Variants in EPN2 observed in about 807,000 individuals in gnomAD.
EPN2 encodes the protein epsin 2.
EPN2 carries 34 observed loss-of-function variants against 61.7 expected under a neutral mutation model. That is an observed-to-expected ratio of 0.55 (90% confidence interval 0.42 to 0.73). The LOEUF (loss-of-function observed/expected upper bound fraction) is 0.73. Among genes scored for constraint, EPN2 ranks in the 30% least tolerant of loss-of-function variants. The pLI is 0.00. For synonymous variants in EPN2, 349 were observed against 353.6 expected, an observed-to-expected ratio of 0.99 and a Z score of 0.15; for missense variants, 714 against 839.2, an observed-to-expected ratio of 0.85 and a Z score of 1.84.
chr17:19,251,457 T>C (rs2045014392), intron 1 of EPN2, among the ~76,000 whole-genome samples: 1 of 152,070 alleles, frequency 6.6e-6, no homozygotes, highest in South Asian at 2.1e-4. Flanking sequence ...GACCCCCAGC[T>C]TGTAGTTGAA....
At chr17:19,294,587 A>G (rs1339200190) in intron 4 of EPN2, among the ~76,000 whole-genome samples, 10 of 152,216 alleles carry the variant, frequency 6.6e-5, no homozygotes, top group Admixed American at 5.2e-4. Context: ...AGGTTTCTCG[A>G]TGCTTTAAGG....
intron 4 of EPN2, among the ~76,000 whole-genome samples, chr17:19,293,644 C>T (rs1464962956): frequency 2.7e-5 from 4 of 150,648 alleles, no homozygotes; most frequent in African/African-American, 4.9e-5. Flanking sequence ...CCTCTGGCCT[C>T]GGCCTCTCAA....
chr17:19,289,329 C>G (rs2045437160), intron 4 of EPN2, among the ~76,000 whole-genome samples: 1 of 152,004 alleles, frequency 6.6e-6, no homozygotes, highest in South Asian at 2.1e-4. Context: ...CGTGATCCGC[C>G]CACCTTGGCC....
At chr17:19,264,439 C>T (rs549866399) in intron 1 of EPN2, among the ~76,000 whole-genome samples, 2 of 152,260 alleles carry the variant, frequency 1.3e-5, no homozygotes, top group East Asian at 3.9e-4. Context: ...GTGGGGAAAC[C>T]TGTAGTGAAG....
intron 1 of EPN2, among the ~76,000 whole-genome samples, chr17:19,254,064 G>A (rs986922114): frequency 6.7e-5 from 10 of 149,504 alleles, no homozygotes; most frequent in East Asian, 2.0e-4. Context: ...CCCAGGAGGC[G>A]GAGGTAGCAG....
chr17:19,250,809 T>C (rs2045007046), intron 1 of EPN2, among the ~76,000 whole-genome samples: 1 of 152,106 alleles, frequency 6.6e-6, no homozygotes, highest in Non-Finnish European at 1.5e-5. Flanking sequence ...TGAGTTTGTC[T>C]ACCTTTCTGT....
rs750009995 is a variant in EPN2, at chr17:19,285,696, C to G, written c.672C>G (p.Ser224Arg). 6.3e-7 allele frequency: 1 copy of G among 1,592,058 alleles called. No individual in the cohort carries two copies. The highest frequency in any genetic ancestry group is 1.3e-5 in the African/African-American group (1 of 74,614). Reference sequence around the variant, plus strand: ...AGAGTGAGGAGCTGCAGCCACTGAGCCAGCGCCACCCCTTCCTGCCGCACC... The same window carrying G: ...AGAGTGAGGAGCTGCAGCCACTGAGGCAGCGCCACCCCTTCCTGCCGCACC... ...LGQSEELQPL[S>R]QRHPFLPHLG... is the part of the protein sequence containing the mutation. Residue 224 changes from serine (S) to arginine (R), a missense_variant, in exon 4 of 11, where the codon AGC becomes AGG. Around this residue, in one of 2 missense-constraint regions of EPN2, gnomAD observed 304 missense variants for 417.4 expected, o/e 0.73. Coordinates refer to ENST00000314728, the MANE Select transcript of EPN2 (RefSeq NM_014964.5). The surrounding 1 kb of genome is among the most constrained non-coding windows in gnomAD (Gnocchi z 4.5).
intron 7 of EPN2, among the ~76,000 whole-genome samples, chr17:19,317,106 C>T (rs1906420039): frequency 6.6e-6 from 1 of 152,252 alleles, no homozygotes; most frequent in Non-Finnish European, 1.5e-5. Flanking sequence ...GTCCCTTCCC[C>T]TAACAGTGTT....
chr17:19,294,273 C>T (rs2152222796), intron 4 of EPN2, among the ~76,000 whole-genome samples: 1 of 145,510 alleles, frequency 6.9e-6, no homozygotes, highest in East Asian at 2.1e-4. Context: ...AAAAAATTAA[C>T]CAGGCATGGT....
At chr17:19,295,339 AATACACACACAC>A (rs1255372494) in intron 4 of EPN2, among the ~76,000 whole-genome samples, 1 of 98,668 alleles carries the variant, frequency 1.0e-5, no homozygotes, top group African/African-American at 5.0e-5. Context: ...CTCTATTAAA[AATACACACACAC>A]ACACACACAC....
chr17:19,265,852 C>G (rs1005972774), intron 1 of EPN2, among the ~76,000 whole-genome samples: 3 of 152,220 alleles, frequency 2.0e-5, no homozygotes, highest in African/African-American at 7.2e-5. Flanking sequence ...AACCTCTCCA[C>G]CTTCCCTTTC....
At chr17:19,238,280 G>A (rs1272368700) in intron 1 of EPN2, among the ~76,000 whole-genome samples, 1 of 152,258 alleles carries the variant, frequency 6.6e-6, no homozygotes, top group Non-Finnish European at 1.5e-5. Context: ...TCTTCCAGGA[G>A]AGACTTCCTC....
At chr17:19,241,204 A>C (rs923125657) in intron 1 of EPN2, among the ~76,000 whole-genome samples, 1 of 152,178 alleles carries the variant, frequency 6.6e-6, no homozygotes, top group Non-Finnish European at 1.5e-5. Context: ...GATATGATTA[A>C]GGTGGTTGAG....
At chr17:19,287,462 C>T (rs1008913851) in intron 4 of EPN2, among the ~76,000 whole-genome samples, 2 of 152,080 alleles carry the variant, frequency 1.3e-5, no homozygotes, top group South Asian at 2.1e-4. Flanking sequence ...ACTCCCTCCC[C>T]GTCAGAGGGT....
intron 4 of EPN2, among the ~76,000 whole-genome samples, chr17:19,290,906 C>T (rs551533766): frequency 2.0e-5 from 3 of 152,156 alleles, no homozygotes; most frequent in East Asian, 1.9e-4. Flanking sequence ...TTGCTGACGC[C>T]GCTGGCCCTG....
intron 7 of EPN2, among the ~76,000 whole-genome samples, chr17:19,325,722 C>T (rs984783101): frequency 6.6e-6 from 1 of 152,036 alleles, no homozygotes; most frequent in Non-Finnish European, 1.5e-5. Flanking sequence ...ACTGGTGATC[C>T]TAGCCAATGC....
chr17:19,285,225 G>A lies in EPN2; in HGVS notation c.596-395G>A, dbSNP rs1490032786. 6.6e-6 allele frequency among the ~76,000 whole-genome samples: 1 copy of A among 152,186 alleles called. No individual in the cohort carries two copies. Among genetic ancestry groups the A allele is most frequent in the African/African-American group, 2.4e-5 (1 of 41,440 alleles). ...TTTTCATGGTCATTATTCTCAAGAA[G>A]CCAGAGGATGCTAAGCAAGGAGCTG... On this transcript the variant is annotated intron_variant, in intron 3 of 10. Transcript: ENST00000314728. This position sits in a 1 kb window ranked among gnomAD's most constrained non-coding sequence, Gnocchi z 4.5.
At chr17:19,324,732 A>G (rs4924982) in intron 7 of EPN2, among the ~76,000 whole-genome samples, 147,212 of 152,306 alleles carry the variant, frequency 0.97, 71,405 homozygotes, top group African/African-American at 0.99. Flanking sequence ...GATATAATGA[A>G]GTTAGAATAG....
chr17:19,326,580 G>T lies in EPN2; in HGVS notation c.1148-2131G>T, dbSNP rs185762650. Among the ~76,000 whole-genome samples the T allele has an allele frequency of 1.8e-3, 267 of 151,716 alleles. 1 individual carries two copies. The highest frequency in any genetic ancestry group is 6.0e-3 in the African/African-American group (248 of 41,314). ...TGGGTGCCTGTAGTCCCAGCTACTC[G>T]GGAGGCTGAGGCAGGAGAATGGCAT... On this transcript the variant is annotated intron_variant, in intron 7 of 10. Transcript: ENST00000314728.
Sources: gnomAD v4.1 joint callset for allele counts (sites outside exome capture counted in the v4.1 genomes callset) on GRCh38, gnomAD v4.1.1 for gene constraint, gnomAD v4.1.1 regional missense constraint, Gnocchi (gnomAD v3.1) non-coding constraint, MANE v1.5 for transcripts, NCBI Gene and HGNC (gene_info 2026-07-23, HGNC 2026-07-21) for gene names.